The following FGD3 variants were observed in gnomAD, a reference collection of about 807,000 sequenced individuals.
FGD3 encodes FYVE, RhoGEF and PH domain-containing protein 3.
A neutral mutation model predicts 71.8 loss-of-function variants in FGD3; 45 were observed. The ratio of observed to expected loss-of-function variants is 0.63; its 90% CI spans 0.49 to 0.80. The LOEUF is 0.80. FGD3 is among the 30% of genes least tolerant of loss of function. FGD3 has a pLI of 0.00. For synonymous variants in FGD3, 378 were observed against 392.8 expected, an observed-to-expected ratio of 0.96 and a Z score of 0.44; for missense variants, 844 against 951.5, an observed-to-expected ratio of 0.89 and a Z score of 1.49.
chr9:93,028,205 C>CACACACACACA (rs779183213), intron 14 of FGD3, among the ~76,000 whole-genome samples: 2 of 101,982 alleles, frequency 2.0e-5, no homozygotes, highest in Non-Finnish European at 4.0e-5. Flanking sequence ...CCGACACACA[C>CACACACACACA]ACACACACAC....
At position 93,003,276 on chromosome 9, in the gene FGD3, A is replaced by G. The variant is rs2118697825; in HGVS notation, c.543+262A>G. On this transcript the variant is annotated intron_variant, in intron 4 of 17. Coordinates refer to ENST00000375482, the MANE Select transcript of FGD3 (RefSeq NM_001083536.2). The surrounding 1 kb of genome is among the most constrained non-coding windows in gnomAD (Gnocchi z 4.1). ...CCCGAGTAGCTGGGACTACAGGCAC[A>G]TGCCACCACGCCCAGCTAATTTTTG... Among the ~76,000 whole-genome samples, 1 of 152,136 alleles carries G rather than the reference A, an allele frequency of 6.6e-6. No individual in the cohort carries two copies. Among genetic ancestry groups the G allele is most frequent in the Non-Finnish European group, 1.5e-5 (1 of 67,980 alleles).
At chr9:92,967,507 G>T (rs1401591379) in intron 1 of FGD3, among the ~76,000 whole-genome samples, 1 of 152,192 alleles carries the variant, frequency 6.6e-6, no homozygotes, top group East Asian at 1.9e-4. Context: ...TTTGTGACTA[G>T]CTTATTTCAC....
intron 10 of FGD3, 112 bp from the exon 11 acceptor site, chr9:93,018,024 C>A (rs949844649): frequency 2.0e-6 from 2 of 980,536 alleles, no homozygotes; most frequent in Non-Finnish European, 1.6e-6. Context: ...TGTGGGGCTG[C>A]AGGCTCACCT....
In FGD3 at chr9:93,019,836, A is replaced by G. The variant is rs2118788114; in HGVS notation, c.1361A>G (p.Glu454Gly). 6.2e-7 allele frequency: 1 copy of G among 1,614,056 alleles called. No homozygotes were observed. Among genetic ancestry groups the G allele is most frequent in the East Asian group, 2.2e-5 (1 of 44,884 alleles). The change falls in exon 12 of 18, where the codon GAG (glutamate) becomes GGG (glycine). Residue 454 changes from glutamate (E) to glycine (G), a missense_variant. Transcript: ENST00000375482. Reference sequence around the variant, plus strand: ...AGACCGTTTTGGTTTTTTAGGACAGAGGAAGAGAAGAAAGAATGGATTCAG... The same window carrying G: ...AGACCGTTTTGGTTTTTTAGGACAGGGGAAGAGAAGAAAGAATGGATTCAG... ...KRSLELQTRT[E>G]EEKKEWIQII...
Position 92,999,589 on chromosome 9 carries a change from C to CT in FGD3, c.454-3315dup, listed in dbSNP as rs886295047. ...TTTTCCTATTCAGCCATCTTGGAAC[C>CT]TTTTTTTTTTTTTTTTTTTTTAAAG... On this transcript the variant is annotated intron_variant, in intron 3 of 17. Coordinates refer to ENST00000375482, the MANE Select transcript of FGD3 (RefSeq NM_001083536.2). Among the ~76,000 whole-genome samples, 1,260 of 131,144 alleles carry CT rather than the reference C, an allele frequency of 9.6e-3. 7 individuals carry two copies. The highest frequency in any genetic ancestry group is 0.011 in the Non-Finnish European group (677 of 61,090). The allele number at this position is 131,144 out of a possible 152,430, so 86.0% of individuals were successfully genotyped here. A position where few individuals can be genotyped will look rare whatever the true frequency, so the allele number is the denominator to read the frequency against.
chr9:92,971,696 C>T (rs1859540891), intron 1 of FGD3, among the ~76,000 whole-genome samples: 1 of 148,616 alleles, frequency 6.7e-6, no homozygotes, highest in Non-Finnish European at 1.5e-5. Flanking sequence ...CTGCCTCAGC[C>T]TTTCGAGTAG....
intron 1 of FGD3, among the ~76,000 whole-genome samples, chr9:92,965,761 T>A (rs1381697006): frequency 6.6e-6 from 1 of 152,204 alleles, no homozygotes; most frequent in Non-Finnish European, 1.5e-5. Context: ...GTCCCTGGGC[T>A]AGAAGAGTGA....
chr9:92,977,503 C>A (rs1186540130), intron 3 of FGD3, among the ~76,000 whole-genome samples: 1 of 152,026 alleles, frequency 6.6e-6, no homozygotes, highest in Admixed American at 6.6e-5. Context: ...CGGGGACCAT[C>A]GGGAGACGGG....
At chr9:92,960,750 C>A (rs1859153481) in intron 1 of FGD3, among the ~76,000 whole-genome samples, 1 of 152,158 alleles carries the variant, frequency 6.6e-6, no homozygotes. Context: ...ACTCATCCAC[C>A]AGGGAAGAGC....
intron 10 of FGD3, 118 bp downstream of exon 10, chr9:93,015,947 G>A (rs1861665566): frequency 1.2e-6 from 1 of 838,292 alleles, no homozygotes; most frequent in Admixed American, 2.0e-5. Context: ...ACCCCTACCT[G>A]CTTTTCCAAG....
chr9:92,978,728 C>T (rs1859873182), intron 3 of FGD3, among the ~76,000 whole-genome samples: 1 of 43,964 alleles, frequency 2.3e-5, no homozygotes, highest in Non-Finnish European at 4.5e-5. Context: ...CTCCACCCCC[C>T]TCCCCTCCCC....
At chr9:93,018,273 C>G in intron 11 of FGD3, 58 bp downstream of exon 11, 1 of 1,442,180 alleles carries the variant, frequency 6.9e-7, no homozygotes, top group Non-Finnish European at 9.7e-7. Flanking sequence ...TTTTTCTAAA[C>G]TGGTTAACCT....
At chr9:92,955,700 G>A in intron 1 of FGD3, among the ~76,000 whole-genome samples, 1 of 152,112 alleles carries the variant, frequency 6.6e-6, no homozygotes, top group Non-Finnish European at 1.5e-5. Flanking sequence ...CACCAGCACA[G>A]GGAGCCTCCT....
intron 3 of FGD3, among the ~76,000 whole-genome samples, chr9:92,985,214 G>A (rs546609807): frequency 2.0e-5 from 3 of 152,356 alleles, no homozygotes. Flanking sequence ...ACCTGGAGGA[G>A]TGTCCTTAGG....
chr9:92,949,542 T>A (rs1858915136), intron 1 of FGD3, among the ~76,000 whole-genome samples: 1 of 152,134 alleles, frequency 6.6e-6, no homozygotes, highest in Non-Finnish European at 1.5e-5. Flanking sequence ...TCTTGGGGTG[T>A]CGTCATTCTC....
intron 11 of FGD3, among the ~76,000 whole-genome samples, chr9:93,018,699 C>T (rs1861797048): frequency 6.6e-6 from 1 of 152,068 alleles, no homozygotes; most frequent in Admixed American, 6.6e-5. Context: ...AGCTTTAAGA[C>T]CAGAAGGGTC....
chr9:92,976,607 C>A lies in FGD3; in HGVS notation c.351C>A (p.Val117=), dbSNP rs1322853348. The A allele has an allele frequency of 6.2e-7, 1 of 1,612,708 alleles. No individual in the cohort carries two copies. The highest frequency in any genetic ancestry group is 1.3e-5 in the African/African-American group (1 of 74,890). The change falls in exon 3 of 18, where the codon GTC becomes GTA. Residue 117 remains valine (V), a synonymous_variant. Coordinates refer to ENST00000375482, the MANE Select transcript of FGD3 (RefSeq NM_001083536.2). ...CAGAGATGGCCCTGGACAGCCAGGT[C>A]CCGAAGGTCACCCCCCAGGAGGAGG... is the stretch of plus-strand genomic sequence containing the variant. ...AHAEMALDSQ[V]PKVTPQEEAD... is the part of the protein sequence containing the mutation.
chr9:93,006,035 C>G lies in FGD3; in HGVS notation c.692C>G (p.Pro231Arg). ...TRITEEWDTN[P>R]RLGDILQKLA... ...ATTTCTCCACGAAGGGACACAAACC[C>G]ACGGCTCGGGGACATCCTGCAGAAG... The change falls in exon 6 of 18, where the codon CCA becomes CGA. Residue 231 changes from proline (P) to arginine (R), a missense_variant. Transcript: ENST00000375482. 6.2e-7 allele frequency: 1 copy of G among 1,604,168 alleles called. No individual in the cohort carries two copies. Among genetic ancestry groups the G allele is most frequent in the Non-Finnish European group, 8.5e-7 (1 of 1,175,402 alleles).
At chr9:93,012,688 G>A (rs61200562) in intron 8 of FGD3, among the ~76,000 whole-genome samples, 8 of 137,178 alleles carry the variant, frequency 5.8e-5, no homozygotes, top group East Asian at 2.0e-4. Context: ...GGGCGGTGGC[G>A]GGGTGTGGGG....
Sources: allele counts gnomAD v4.1 joint callset (sites outside exome capture counted in the v4.1 genomes callset), GRCh38; gene constraint gnomAD v4.1.1; non-coding constraint Gnocchi (gnomAD v3.1); transcripts MANE v1.5; gene names NCBI Gene and HGNC (gene_info 2026-07-23, HGNC 2026-07-21).